TLL2: variants seen among roughly 807,000 people sequenced by gnomAD.
The protein encoded by TLL2 is tolloid like 2.
In TLL2, 106 loss-of-function variants were observed where a neutral mutation model predicts 123.0. The observed-to-expected ratio is 0.86, with a 90% CI of 0.74 to 1.01. TLL2 has a LOEUF of 1.01. Ranked by LOEUF, TLL2 falls within the 50% of genes least tolerant of loss-of-function variation. The pLI is 0.00. For synonymous variants in TLL2, 494 were observed against 516.8 expected (o/e 0.96, Z 0.60); for missense variants, 1,332 against 1,336.7 (o/e 1.00, Z 0.06).
chr10:96,374,069 G>C (rs1415108068), intron 18 of TLL2: 2 of 473,558 alleles, frequency 4.2e-6, no homozygotes, highest in African/African-American at 3.9e-5. Flanking sequence ...GCAGATGAGA[G>C]AGCAGGGGTT....
chr10:96,382,696 T>C (rs1846196775), intron 16 of TLL2, among the ~76,000 whole-genome samples: 1 of 152,216 alleles, frequency 6.6e-6, no homozygotes, highest in African/African-American at 2.4e-5. Context: ...TGTGGTGCCT[T>C]TCACCTTGTT....
rs78709589 is a variant in TLL2, at chr10:96,495,476, G to A, written c.176-15017C>T. On this transcript the variant is annotated intron_variant, in intron 1 of 20. Transcript: ENST00000357947. ...ACATTAAAGTGACCCACAGAGAAAGGACCCCTAGAAAGAAAGTTCTAGGAA... is the reference window on the plus strand; with the variant it reads ...ACATTAAAGTGACCCACAGAGAAAGAACCCCTAGAAAGAAAGTTCTAGGAA... 1.2e-4 allele frequency among the ~76,000 whole-genome samples: 18 copies of A among 152,136 alleles called. 1 individual carries two copies. The East Asian group carries it at 3.3e-3, about 28-fold the overall frequency.
At chr10:96,454,997 C>T (rs1846997855) in intron 2 of TLL2, among the ~76,000 whole-genome samples, 1 of 152,140 alleles carries the variant, frequency 6.6e-6, no homozygotes, top group Admixed American at 6.5e-5. Flanking sequence ...CCACTGTTCC[C>T]CAGGCATGGT....
chr10:96,480,367 C>T lies in TLL2; in HGVS notation c.268G>A (p.Ala90Thr). The T allele has an allele frequency of 6.2e-7, 1 of 1,614,132 alleles. No individual in the cohort carries two copies. The highest frequency in any genetic ancestry group is 8.5e-7 in the Non-Finnish European group (1 of 1,179,988). ...ARDWTKQTVG[A>T]TGHSTGGLEE... Reference sequence around the variant, plus strand: ...TACCTACCTGTGCTGTGTCCTGTTGCCCCCACTGTCTGCTTGGTCCAGTCT... The same window carrying T: ...TACCTACCTGTGCTGTGTCCTGTTGTCCCCACTGTCTGCTTGGTCCAGTCT... Residue 90 changes from alanine (A) to threonine (T), a missense_variant, in exon 2 of 21, where the codon GCA becomes ACA. Physicochemically the swap from Ala to Thr is moderately conservative, Grantham distance 58 (BLOSUM62 0). Transcript: ENST00000357947.
At chr10:96,398,227 G>A (rs953906327) in intron 10 of TLL2, among the ~76,000 whole-genome samples, 1 of 152,156 alleles carries the variant, frequency 6.6e-6, no homozygotes, top group Non-Finnish European at 1.5e-5. Flanking sequence ...TGTCTCCCAA[G>A]CTTCTAGGGG....
intron 9 of TLL2, among the ~76,000 whole-genome samples, chr10:96,406,134 G>A (rs1255995492): frequency 6.6e-6 from 1 of 152,138 alleles, no homozygotes; most frequent in African/African-American, 2.4e-5. Flanking sequence ...GGGAGGGCTG[G>A]GTGGTCCCAG....
chr10:96,481,712 C>A (rs894336002), intron 1 of TLL2, among the ~76,000 whole-genome samples: 7 of 152,300 alleles, frequency 4.6e-5, no homozygotes, highest in African/African-American at 7.2e-5. Context: ...ATGCTGATAG[C>A]ATGCCTTGGT....
At chr10:96,390,894 A>G (rs1431257750) in intron 13 of TLL2, among the ~76,000 whole-genome samples, 1 of 152,264 alleles carries the variant, frequency 6.6e-6, no homozygotes, top group Admixed American at 6.5e-5. Context: ...TCCAAGACTT[A>G]GTGTGAAAAA....
At chr10:96,428,471 C>T (rs1846700579) in intron 5 of TLL2, among the ~76,000 whole-genome samples, 160 bp downstream of exon 5, 1 of 152,156 alleles carries the variant, frequency 6.6e-6, no homozygotes, top group Admixed American at 6.5e-5. Flanking sequence ...ATCAGCTTTG[C>T]CACTGGATTG....
At chr10:96,385,752 C>G (rs368399623) in intron 15 of TLL2, among the ~76,000 whole-genome samples, 1 of 152,220 alleles carries the variant, frequency 6.6e-6, no homozygotes, top group Non-Finnish European at 1.5e-5. Context: ...TGCACACCAG[C>G]TCCCCAGACT....
intron 1 of TLL2, among the ~76,000 whole-genome samples, chr10:96,488,654 C>T (rs1195933896): frequency 2.0e-5 from 3 of 152,214 alleles, no homozygotes; most frequent in Admixed American, 6.5e-5. Context: ...CACCCCAGAA[C>T]ACAGGTCCAG....
chr10:96,423,313 A>G (rs7078304), intron 5 of TLL2, among the ~76,000 whole-genome samples: 49,684 of 151,796 alleles, frequency 0.33, 8,198 homozygotes, highest in Non-Finnish European at 0.36. Context: ...TAAAGTCCAT[A>G]CCATACTCTA....
At chr10:96,374,283 G>A (rs924162165) in intron 18 of TLL2, 3 of 183,580 alleles carry the variant, frequency 1.6e-5, no homozygotes, top group African/African-American at 7.1e-5. Context: ...ACACCCCTGT[G>A]ATGTGTCTAA....
intron 3 of TLL2, among the ~76,000 whole-genome samples, chr10:96,445,831 G>A (rs1161159174): frequency 6.6e-6 from 1 of 152,162 alleles, no homozygotes; most frequent in Non-Finnish European, 1.5e-5. Context: ...CAGTGAGATA[G>A]GAAAAGATTC....
chr10:96,415,719 C>CTCTCTG (rs1448641599), intron 7 of TLL2, among the ~76,000 whole-genome samples: 13 of 91,062 alleles, frequency 1.4e-4, no homozygotes, highest in African/African-American at 5.7e-4. Context: ...TGTGCATGCT[C>CTCTCTG]TCTCTCTCTG....
intron 4 of TLL2, among the ~76,000 whole-genome samples, chr10:96,432,461 G>A (rs910805958): frequency 2.0e-5 from 3 of 152,144 alleles, no homozygotes; most frequent in East Asian, 3.9e-4. Context: ...GGACAGGGAA[G>A]CCAACCATGT....
chr10:96,403,293 CTG>C (rs1846413230), intron 10 of TLL2, among the ~76,000 whole-genome samples: 2 of 152,156 alleles, frequency 1.3e-5, no homozygotes, highest in African/African-American at 4.8e-5. Context: ...AGAGATCAGA[CTG>C]TTACTGTGTC....
intron 13 of TLL2, among the ~76,000 whole-genome samples, chr10:96,388,020 A>G (rs866822870): frequency 2.3e-4 from 35 of 152,172 alleles, no homozygotes; most frequent in African/African-American, 6.0e-4. Flanking sequence ...TTTTTCAAAA[A>G]AGTTGAACCT....
At chr10:96,373,926 C>T (rs1846110442) in intron 18 of TLL2, 117 bp from the exon 19 acceptor site, 3 of 837,274 alleles carry the variant, frequency 3.6e-6, no homozygotes, top group Non-Finnish European at 5.6e-6. Context: ...GTCCAGCTGG[C>T]TGTGCAGGGG....
Sources: gnomAD v4.1 joint callset for allele counts (sites outside exome capture counted in the v4.1 genomes callset) on GRCh38, gnomAD v4.1.1 for gene constraint, MANE v1.5 for transcripts, NCBI Gene and HGNC (gene_info 2026-07-23, HGNC 2026-07-21) for gene names.